Variants in EFCAB6 observed in about 807,000 individuals in gnomAD.
EFCAB6 encodes EF-hand calcium-binding domain-containing protein 6.
In EFCAB6, 156 loss-of-function variants were observed where a neutral mutation model predicts 169.8. The ratio of observed to expected loss-of-function variants is 0.92; its 90% CI spans 0.81 to 1.05. The LOEUF is 1.05. Ranked by LOEUF, EFCAB6 falls within the 50% of genes least tolerant of loss-of-function variation. EFCAB6 has a pLI of 0.00. For missense variants in EFCAB6, 1,800 were observed against 1,829.1 expected (o/e 0.98, Z 0.29); for synonymous variants, 698 against 676.4 (o/e 1.03, Z -0.50).
intron 20 of EFCAB6, among the ~76,000 whole-genome samples, chr22:43,617,708 G>T (rs1374395168): frequency 6.6e-6 from 1 of 152,138 alleles, no homozygotes; most frequent in African/African-American, 2.4e-5. Flanking sequence ...ACTATGTGCT[G>T]CTCTAGAACC....
At chr22:43,603,845 A>G (rs111495268) in intron 22 of EFCAB6, among the ~76,000 whole-genome samples, 2,912 of 152,222 alleles carry the variant, frequency 0.019, 96 homozygotes, top group African/African-American at 0.067. Flanking sequence ...TATGGTTTGG[A>G]TTTGTGTCCC....
At position 43,682,471 on chromosome 22, in the gene EFCAB6, T is replaced by A. The variant is rs188815199; in HGVS notation, c.1251+1276A>T. Reference sequence around the variant, plus strand: ...GAAATGAAGGTTTCCCTATTTTTAATTAAATTACTTCTTCAGCATACTATT... The same window carrying A: ...GAAATGAAGGTTTCCCTATTTTTAAATAAATTACTTCTTCAGCATACTATT... On this transcript the variant is annotated intron_variant, in intron 12 of 31. Coordinates refer to ENST00000262726, the MANE Select transcript of EFCAB6 (RefSeq NM_022785.4). Among the ~76,000 whole-genome samples, 139 of 152,316 alleles carry A rather than the reference T, an allele frequency of 9.1e-4. 2 individuals are homozygous for A. The highest frequency in any genetic ancestry group is 3.4e-3 in the Middle Eastern group (1 of 294).
chr22:43,703,970 T>G (rs2058857935), intron 10 of EFCAB6, among the ~76,000 whole-genome samples: 1 of 151,898 alleles, frequency 6.6e-6, no homozygotes, highest in Non-Finnish European at 1.5e-5. Context: ...GACTGAAAAC[T>G]TCCCTAATTT....
At chr22:43,581,084 G>A (rs546843021) in intron 24 of EFCAB6, among the ~76,000 whole-genome samples, 6 of 152,264 alleles carry the variant, frequency 3.9e-5, no homozygotes, top group African/African-American at 7.2e-5. Flanking sequence ...ATCTGACAGC[G>A]GCTCAAAGAC....
chr22:43,586,893 C>A lies in EFCAB6; in HGVS notation c.3032+3181G>T, dbSNP rs541169861. Reference sequence around the variant, plus strand: ...GGTTCTGATGCTTGGAGTTTGGGGACCGCTGGCATAAACTCCGAAGGACTA... The same window carrying A: ...GGTTCTGATGCTTGGAGTTTGGGGAACGCTGGCATAAACTCCGAAGGACTA... On this transcript the variant is annotated intron_variant, in intron 24 of 31. Coordinates refer to ENST00000262726, the MANE Select transcript of EFCAB6 (RefSeq NM_022785.4). Among the ~76,000 whole-genome samples, 3 of 152,126 alleles carry A rather than the reference C, an allele frequency of 2.0e-5. No homozygotes were observed. The South Asian group carries it at 6.2e-4, about 32-fold the overall frequency.
chr22:43,763,770 T>G (rs1298006982), intron 5 of EFCAB6, among the ~76,000 whole-genome samples: 1 of 152,132 alleles, frequency 6.6e-6, no homozygotes. Context: ...ACTTTTATTT[T>G]TTATTATTTT....
At chr22:43,740,510 T>C (rs892218544) in intron 6 of EFCAB6, among the ~76,000 whole-genome samples, 4 of 152,306 alleles carry the variant, frequency 2.6e-5, no homozygotes, top group African/African-American at 9.6e-5. Flanking sequence ...CATGATGACA[T>C]TCAGTGTCAA....
chr22:43,637,259 C>G (rs1001795900), intron 17 of EFCAB6, among the ~76,000 whole-genome samples: 2 of 152,194 alleles, frequency 1.3e-5, no homozygotes, highest in Non-Finnish European at 2.9e-5. Flanking sequence ...CACACTAGAG[C>G]TGTAGAAGGG....
chr22:43,742,364 G>A (rs1175098789), intron 6 of EFCAB6, among the ~76,000 whole-genome samples: 1 of 152,100 alleles, frequency 6.6e-6, no homozygotes, highest in Admixed American at 6.5e-5. Flanking sequence ...GGGCTGAGTG[G>A]AATAGTTGGG....
intron 4 of EFCAB6, among the ~76,000 whole-genome samples, chr22:43,771,798 C>T (rs563185680): frequency 6.6e-6 from 1 of 152,320 alleles, no homozygotes; most frequent in African/African-American, 2.4e-5. Flanking sequence ...TCCCTACAGC[C>T]TCTAGGATAA....
At chr22:43,790,378 C>T (rs1019731530) in intron 2 of EFCAB6, among the ~76,000 whole-genome samples, 4 of 152,206 alleles carry the variant, frequency 2.6e-5, no homozygotes, top group African/African-American at 9.7e-5. Flanking sequence ...CAGTTCCTTT[C>T]TAGGAGTCTG....
intron 17 of EFCAB6, among the ~76,000 whole-genome samples, chr22:43,664,904 G>A (rs1175077604): frequency 6.6e-6 from 1 of 152,136 alleles, no homozygotes; most frequent in Non-Finnish European, 1.5e-5. Flanking sequence ...CAGGGTGGAA[G>A]CAGGGAGGCA....
At chr22:43,554,472 T>C (rs1420768033) in intron 27 of EFCAB6, 2 of 180,150 alleles carry the variant, frequency 1.1e-5, no homozygotes, top group African/African-American at 4.8e-5. Context: ...CTTTTTCTAA[T>C]ACATCTGCCT....
rs781738975 is a variant in EFCAB6, at chr22:43,530,830, G to A, written c.4368C>T (p.Val1456=). 8 of 1,613,864 alleles carry A rather than the reference G, an allele frequency of 5.0e-6. No individual in the cohort carries two copies. The South Asian group carries it at 8.8e-5, about 18-fold the overall frequency. Residue 1456 remains valine, a synonymous_variant, in exon 31 of 32, where the codon GTC becomes GTT. Coordinates refer to ENST00000262726, the MANE Select transcript of EFCAB6 (RefSeq NM_022785.4). ...CTGTGCTCACCGTCCTGAAATCTGC[G>A]ACGCTTAGCAGCCCTGTTCCAGCCT... ...YDEAGTGLLS[V]ADFRTVLRQY... is the part of the protein sequence containing the mutation.
chr22:43,777,498 G>A (rs137977460), intron 3 of EFCAB6, among the ~76,000 whole-genome samples: 94 of 152,254 alleles, frequency 6.2e-4, no homozygotes, highest in African/African-American at 1.9e-3. Context: ...GGAAGCACTC[G>A]GGCTTCCCTT....
chr22:43,597,063 A>C (rs1483923735), intron 23 of EFCAB6, among the ~76,000 whole-genome samples: 1 of 152,208 alleles, frequency 6.6e-6, no homozygotes, highest in African/African-American at 2.4e-5. Context: ...GAGGAACTAA[A>C]CTAGATCCCC....
intron 19 of EFCAB6, among the ~76,000 whole-genome samples, chr22:43,630,875 T>G (rs1485704279): frequency 6.6e-6 from 1 of 152,162 alleles, no homozygotes; most frequent in Non-Finnish European, 1.5e-5. Context: ...TCCGTCTCCA[T>G]GTATGCATAT....
chr22:43,719,449 G>T (rs1390247431), intron 8 of EFCAB6, among the ~76,000 whole-genome samples: 1 of 152,138 alleles, frequency 6.6e-6, no homozygotes, highest in Non-Finnish European at 1.5e-5. Flanking sequence ...GATGGTGGTG[G>T]CTTATTAAGA....
intron 29 of EFCAB6, 161 bp from the exon 30 acceptor site, chr22:43,535,033 G>T (rs2047305020): frequency 1.4e-6 from 1 of 699,012 alleles, no homozygotes; most frequent in Non-Finnish European, 2.3e-6. Context: ...TGTGGAGACA[G>T]ACATGTGACA....
Sources: allele counts gnomAD v4.1 joint callset (sites outside exome capture counted in the v4.1 genomes callset), GRCh38; gene constraint gnomAD v4.1.1; transcripts MANE v1.5; gene names NCBI Gene and HGNC (gene_info 2026-07-23, HGNC 2026-07-21).